Variants in NUP160 observed in about 807,000 individuals in gnomAD.
NUP160 encodes the protein nuclear pore complex protein Nup160.
A neutral mutation model predicts 196.9 loss-of-function variants in NUP160; 94 were observed. That is an observed-to-expected ratio of 0.48 (90% confidence interval 0.40 to 0.57). The LOEUF (loss-of-function observed/expected upper bound fraction) is 0.57, where lower values mean the gene tolerates loss of function less well. Ranked by LOEUF, NUP160 falls within the 20% of genes least tolerant of loss-of-function variation. The pLI is 0.00. For synonymous variants in NUP160, 605 were observed against 619.7 expected, an observed-to-expected ratio of 0.98 and a Z score of 0.35; for missense variants, 1,638 against 1,748.3, an observed-to-expected ratio of 0.94 and a Z score of 1.13.
chr11:47,796,382 TA>T, intron 27 of NUP160: 1 of 547,588 alleles, frequency 1.8e-6, no homozygotes. Context: ...ATTGCTGTTC[TA>T]AATGTCTTAA....
intron 34 of NUP160, among the ~76,000 whole-genome samples, chr11:47,781,913 T>C (rs1270441638): frequency 6.6e-6 from 1 of 152,142 alleles, no homozygotes; most frequent in African/African-American, 2.4e-5. Flanking sequence ...TAACTACAGA[T>C]AGTAAAGGTT....
At chr11:47,829,285 A>C (rs1396668268) in intron 7 of NUP160, among the ~76,000 whole-genome samples, 1 of 152,168 alleles carries the variant, frequency 6.6e-6, no homozygotes, top group Non-Finnish European at 1.5e-5. Context: ...TGGTGACTCC[A>C]TAAGATTAAG....
At chr11:47,798,339 A>G in intron 24 of NUP160, 29 bp downstream of exon 24, 1 of 1,571,586 alleles carries the variant, frequency 6.4e-7, no homozygotes, top group Non-Finnish European at 8.8e-7. Flanking sequence ...AACCTTAAAG[A>G]AAACAACCAA....
chr11:47,827,764 T>C (rs1385545537), intron 7 of NUP160, among the ~76,000 whole-genome samples: 1 of 151,040 alleles, frequency 6.6e-6, no homozygotes. Context: ...CTAGAGGATC[T>C]AGCCAGGACA....
chr11:47,804,655 G>A, intron 20 of NUP160, 37 bp from the exon 21 acceptor site: 1 of 1,402,932 alleles, frequency 7.1e-7, no homozygotes, highest in Non-Finnish European at 9.6e-7. Flanking sequence ...AATTTTTGTT[G>A]GCAAATCTTA....
In NUP160 at chr11:47,797,818, G is replaced by T. The variant is rs199766844; in HGVS notation, c.3250C>A (p.Leu1084Met). The T allele has an allele frequency of 1.9e-6, 3 of 1,613,210 alleles. No individual in the cohort carries two copies. In the African/African-American group the frequency reaches 4.0e-5, roughly 22 times the overall value. Residue 1084 changes from leucine (L) to methionine (M), a missense_variant, in exon 27 of 36, where the codon CTG becomes ATG. Leu to Met is a conservative substitution (Grantham distance 15). Around this residue, in one of 3 missense-constraint regions of NUP160, gnomAD observed 1,345 missense variants for 1,470.2 expected, o/e 0.91. Transcript: ENST00000378460. ...TGGCGATAGATGTGAAAGGCATACA[G>T]AAGTTCATAGTAATTGTGAGTCATA... is the stretch of plus-strand genomic sequence containing the variant.
At chr11:47,848,267 C>T (rs1852442147) in exon 1 of NUP160, 1 of 1,614,200 alleles carries the variant, frequency 6.2e-7, no homozygotes, top group Non-Finnish European at 8.5e-7. Flanking sequence ...CTTTCGCGCT[C>T]AGCTCCGCTT....
intron 12 of NUP160, 86 bp downstream of exon 12, chr11:47,815,860 A>C: frequency 2.7e-6 from 3 of 1,115,842 alleles, no homozygotes; most frequent in Non-Finnish European, 4.0e-6. Flanking sequence ...GGTCAAGTGA[A>C]GAATTCCAGT....
At chr11:47,823,110 G>T (rs1404976634) in intron 7 of NUP160, among the ~76,000 whole-genome samples, 1 of 152,102 alleles carries the variant, frequency 6.6e-6, no homozygotes, top group Non-Finnish European at 1.5e-5. Context: ...GGGTCAAATG[G>T]TATTTACTGC....
Position 47,780,012 on chromosome 11 carries a change from G to A in NUP160, c.4221+331C>T, listed in dbSNP as rs570084476. The stretch of plus-strand genomic sequence containing the variant: ...TCCAAAGTGCTGGGATTATAGGCGT[G>A]AGCCACTGCGCCCGGCCTATCATTG... On this transcript the variant is annotated intron_variant, in intron 35 of 35. Transcript: ENST00000378460. Among the ~76,000 whole-genome samples the A allele has an allele frequency of 4.6e-5, 7 of 152,310 alleles. No individual in the cohort carries two copies. The East Asian group carries it at 1.3e-3, about 29-fold the overall frequency.
chr11:47,779,035 G>C (rs1438354029), exon 36 of NUP160: 5 of 1,102,220 alleles, frequency 4.5e-6, no homozygotes, highest in Non-Finnish European at 7.0e-6. Context: ...CTTGAGTACA[G>C]GGTTCCTGTA....
At chr11:47,805,933 C>A (rs1482141029) in intron 20 of NUP160, among the ~76,000 whole-genome samples, 3 of 151,850 alleles carry the variant, frequency 2.0e-5, no homozygotes, top group Non-Finnish European at 4.4e-5. Context: ...CAAGTCTCAG[C>A]CTTCCGAGTA....
chr11:47,806,488 G>C (rs1324821481), intron 19 of NUP160, 176 bp from the exon 20 acceptor site: 1 of 530,894 alleles, frequency 1.9e-6, no homozygotes, highest in Non-Finnish European at 3.3e-6. Context: ...TAAATTGTGA[G>C]GCACTATAAA....
At chr11:47,797,730 T>C (rs2097671654) in intron 27 of NUP160, 49 bp downstream of exon 27, 3 of 1,330,550 alleles carry the variant, frequency 2.3e-6, no homozygotes, top group African/African-American at 2.9e-5. Flanking sequence ...TAAAACATGA[T>C]TAAACTAATA....
chr11:47,805,969 A>G (rs1461144257), intron 20 of NUP160, among the ~76,000 whole-genome samples, 184 bp downstream of exon 20: 1 of 151,898 alleles, frequency 6.6e-6, no homozygotes, highest in Non-Finnish European at 1.5e-5. Context: ...GCAGGCCACC[A>G]CGCCTGACTA....
At chr11:47,780,359 T>G in exon 35 of NUP160, 3 of 1,612,724 alleles carry the variant, frequency 1.9e-6, no homozygotes, top group Non-Finnish European at 2.5e-6. Context: ...GTTGTGACTG[T>G]TGGCACTGTT....
At chr11:47,836,746 G>T in intron 6 of NUP160, 141 bp downstream of exon 6, 1 of 535,064 alleles carries the variant, frequency 1.9e-6, no homozygotes. Context: ...AAAGCTAAAT[G>T]AAACTGTCTG....
At position 47,848,378 on chromosome 11, in the gene NUP160, CT is replaced by C; in HGVS notation, c.42del (p.Val15Ter). 6.2e-7 allele frequency: 1 copy of C among 1,607,560 alleles called. No individual in the cohort carries two copies. ...AGGCAGGGCCGCGCGGTCGCCGTCA[CT>C]TCCGGGGGTGGGGCGGGCGGAGCTG... On this transcript the variant is annotated frameshift_variant, in exon 1 of 36. Coordinates refer to ENST00000378460, the Ensembl canonical transcript of NUP160. LOFTEE classifies it high-confidence loss of function.
chr11:47,778,138 TG>T (rs949788915), exon 36 of NUP160: 2 of 143,830 alleles, frequency 1.4e-5, no homozygotes, highest in African/African-American at 5.2e-5. Context: ...AAGTATATAA[TG>T]TAAATATGGT....
Sources: gnomAD v4.1 joint callset for allele counts (sites outside exome capture counted in the v4.1 genomes callset) on GRCh38, gnomAD v4.1.1 for gene constraint, gnomAD v4.1.1 regional missense constraint, MANE v1.5 for transcripts, NCBI Gene and HGNC (gene_info 2026-07-23, HGNC 2026-07-21) for gene names.